The following NCOA2 variants were observed in gnomAD, a reference collection of about 807,000 sequenced individuals.
The protein encoded by NCOA2 is class E basic helix-loop-helix protein 75.
A neutral mutation model predicts 145.1 loss-of-function variants in NCOA2; 21 were observed. The ratio of observed to expected loss-of-function variants is 0.14; its 90% CI spans 0.10 to 0.21. The LOEUF is 0.21. Among genes scored for constraint, NCOA2 ranks in the 10% least tolerant of loss-of-function variants. The probability of loss-of-function intolerance (pLI) is 1.00; values close to 1 mark genes in which losing one functional copy is unlikely to be tolerated. For missense variants in NCOA2, 1,472 were observed against 1,837.6 expected, an observed-to-expected ratio of 0.80 and a Z score of 3.64; for synonymous variants, 619 against 637.5, an observed-to-expected ratio of 0.97 and a Z score of 0.44.
intron 1 of NCOA2, among the ~76,000 whole-genome samples, chr8:70,325,032 TA>T (rs1168122315): frequency 1.3e-5 from 2 of 152,266 alleles, no homozygotes; most frequent in Non-Finnish European, 2.9e-5. Context: ...TTACTATCCA[TA>T]TCTTTAAACA....
chr8:70,124,892 T>G, intron 19 of NCOA2, 27 bp from the exon 20 acceptor site: 1 of 1,543,558 alleles, frequency 6.5e-7, no homozygotes, highest in Non-Finnish European at 8.7e-7. Flanking sequence ...GAAACAGAAA[T>G]CCAAAAGAGA....
At chr8:70,146,245 C>T (rs991404392) in intron 12 of NCOA2, among the ~76,000 whole-genome samples, 1 of 152,162 alleles carries the variant, frequency 6.6e-6, no homozygotes, top group African/African-American at 2.4e-5. Context: ...CAAAGTACAG[C>T]TTCTTTAAAT....
At chr8:70,301,135 A>G (rs1225580947) in intron 1 of NCOA2, among the ~76,000 whole-genome samples, 1 of 152,212 alleles carries the variant, frequency 6.6e-6, no homozygotes, top group Non-Finnish European at 1.5e-5. Flanking sequence ...GATTTGAAAA[A>G]GCAAATGGCA....
intron 2 of NCOA2, among the ~76,000 whole-genome samples, chr8:70,288,960 A>G (rs1826459494): frequency 6.6e-6 from 1 of 152,176 alleles, no homozygotes; most frequent in South Asian, 2.1e-4. Context: ...AAAAATCTAA[A>G]TTCTACTCAG....
Position 70,213,910 on chromosome 8 carries a change from T to G in NCOA2, c.252A>C (p.Lys84Asn), listed in dbSNP as rs781716431. 6.3e-7 allele frequency: 1 copy of G among 1,590,266 alleles called. No individual in the cohort carries two copies. Among genetic ancestry groups the G allele is most frequent in the Non-Finnish European group, 8.6e-7 (1 of 1,168,188 alleles). Reference sequence around the variant, plus strand: ...CTAATTCAGTCCTCTTACCTTGTTCTTTGATCTGACGAATTTGCTTCACAG... The same window carrying G: ...CTAATTCAGTCCTCTTACCTTGTTCGTTGATCTGACGAATTTGCTTCACAG... ...KETVKQIRQI[K>N]EQEKAAAANI... Residue 84 changes from lysine (K) to asparagine (N), a missense_variant, in exon 4 of 23, where the codon AAA becomes AAC. Around this residue, in one of 4 missense-constraint regions of NCOA2, gnomAD observed 284 missense variants for 467.8 expected, o/e 0.61. Coordinates refer to ENST00000452400, the MANE Select transcript of NCOA2 (RefSeq NM_006540.4).
Position 70,128,814 on chromosome 8 carries a change from C to T in NCOA2, c.3491G>A (p.Ser1164Asn). ...PNFHTMGQRP[S>N]YATLRMQPRP... ...GGGCTGCATACGGAGTGTGGCATAA[C>T]TAGGCCGCTGTCCCATGGTGTGAAA... The change falls in exon 17 of 23, where the codon AGT becomes AAT. Residue 1164 changes from serine (S) to asparagine (N), a missense_variant. Physicochemically the swap from Ser to Asn is conservative, Grantham distance 46. Around this residue, in one of 4 missense-constraint regions of NCOA2, gnomAD observed 953 missense variants for 1,062.1 expected, o/e 0.90. Transcript: ENST00000452400. 1 of 1,614,058 alleles carries T rather than the reference C, an allele frequency of 6.2e-7. No individual in the cohort carries two copies. Among genetic ancestry groups the T allele is most frequent in the Non-Finnish European group, 8.5e-7 (1 of 1,179,902 alleles).
At chr8:70,384,305 G>C (rs1034428986) in intron 1 of NCOA2, among the ~76,000 whole-genome samples, 1 of 150,852 alleles carries the variant, frequency 6.6e-6, no homozygotes, top group African/African-American at 2.4e-5. Flanking sequence ...GGTGAAATAT[G>C]CCCAACCATT....
At chr8:70,416,822 C>T in the NCOA2 span, among the ~76,000 whole-genome samples, 6 of 152,116 alleles carry the variant, frequency 3.9e-5, no homozygotes, top group Admixed American at 1.3e-4. Flanking sequence ...CGGTAATAGC[C>T]TAATCACTTC....
the NCOA2 span, among the ~76,000 whole-genome samples, chr8:70,426,291 C>T: frequency 6.6e-6 from 1 of 152,002 alleles, no homozygotes; most frequent in Non-Finnish European, 1.5e-5. Flanking sequence ...TTTTTGTGAC[C>T]GATAAAAACA....
At chr8:70,223,537 A>C (rs957016831) in intron 2 of NCOA2, among the ~76,000 whole-genome samples, 2 of 152,216 alleles carry the variant, frequency 1.3e-5, no homozygotes, top group Admixed American at 1.3e-4. Context: ...ATATGTATGT[A>C]TATATACATC....
chr8:70,131,988 C>A lies in NCOA2; in HGVS notation c.3173G>T (p.Ser1058Ile), dbSNP rs755619996. 10 of 1,612,296 alleles carry A rather than the reference C, an allele frequency of 6.2e-6. No homozygotes were observed. The Admixed American group carries it at 1.5e-4, about 24-fold the overall frequency. ...FASQNRQPFG[S>I]SPDDLLCPHP... ...TGGACATAGCAAGTCATCTGGAGAACTGCCAAATGGCTGCCTGTAAAGACA... is the reference window on the plus strand; with the variant it reads ...TGGACATAGCAAGTCATCTGGAGAAATGCCAAATGGCTGCCTGTAAAGACA... Residue 1058 changes from serine to isoleucine, a missense_variant, in exon 16 of 23, where the codon AGT (serine) becomes ATT (isoleucine). This residue lies in a region of NCOA2 where 953 missense variants were observed against 1,062.1 expected (regional missense o/e 0.90). Transcript: ENST00000452400.
intron 1 of NCOA2, among the ~76,000 whole-genome samples, chr8:70,332,699 T>C (rs1397454875): frequency 6.6e-6 from 1 of 152,216 alleles, no homozygotes; most frequent in African/African-American, 2.4e-5. Flanking sequence ...TTTTTTCCAT[T>C]TTAAATAATT....
chr8:70,250,607 G>T (rs989652153), intron 2 of NCOA2, among the ~76,000 whole-genome samples: 1 of 151,908 alleles, frequency 6.6e-6, no homozygotes, highest in African/African-American at 2.4e-5. Flanking sequence ...TCTGAAGCTG[G>T]GTATGAAGGG....
Position 70,174,683 on chromosome 8 carries a change from A to G in NCOA2, c.363+73T>C, listed in dbSNP as rs1321542152. 2.2e-6 allele frequency: 3 copies of G among 1,356,038 alleles called. No individual in the cohort carries two copies. The African/African-American group carries it at 4.3e-5, about 20-fold the overall frequency. 84.0% of individuals were successfully genotyped at this position (1,356,038 alleles called of 1,614,324 possible). A position where few individuals can be genotyped will look rare whatever the true frequency, so the allele number is the denominator to read the frequency against. On this transcript the variant is annotated intron_variant, in intron 5 of 22. Transcript: ENST00000452400. ...TGTGGATTCTCCTTAAATTATATTC[A>G]CCTGAAATTAAATGTAATAATGTGA...
chr8:70,444,071 T>G, the NCOA2 span, among the ~76,000 whole-genome samples: 5 of 152,194 alleles, frequency 3.3e-5, no homozygotes, highest in Non-Finnish European at 7.3e-5. Flanking sequence ...TAAACAAATG[T>G]TTACAGCAGT....
In NCOA2 at chr8:70,301,599, T is replaced by C. The variant is rs112885453; in HGVS notation, c.-76-4799A>G. On this transcript the variant is annotated intron_variant, in intron 1 of 22. Transcript: ENST00000452400. Reference sequence around the variant, plus strand: ...GAGCCTACGGATGTCAAGGCTGCAGTGAGTCGTGATCACGCCACTGCATTC... The same window carrying C: ...GAGCCTACGGATGTCAAGGCTGCAGCGAGTCGTGATCACGCCACTGCATTC... Among the ~76,000 whole-genome samples, 619 of 137,314 alleles carry C rather than the reference T, an allele frequency of 4.5e-3. 6 individuals carry two copies. The highest frequency in any genetic ancestry group is 0.017 in the African/African-American group (590 of 35,632). The allele number at this position is 137,314 out of a possible 152,430, so 90.1% of individuals were successfully genotyped here.
intron 1 of NCOA2, among the ~76,000 whole-genome samples, chr8:70,353,731 T>G (rs575141851): frequency 6.6e-6 from 1 of 152,092 alleles, no homozygotes; most frequent in South Asian, 2.1e-4. Context: ...CCTGATAATC[T>G]CCCATATCTA....
chr8:70,414,049 TA>T, the NCOA2 span, among the ~76,000 whole-genome samples: 81 of 152,342 alleles, frequency 5.3e-4, no homozygotes, highest in South Asian at 4.1e-4. Context: ...ATATTTAGTT[TA>T]AAAAATTTAA....
intron 2 of NCOA2, among the ~76,000 whole-genome samples, chr8:70,274,474 T>C (rs1013991602): frequency 1.6e-4 from 25 of 152,196 alleles, no homozygotes; most frequent in Admixed American, 5.9e-4. Context: ...GCTTTTTAAG[T>C]AGGGTCAAAA....
Sources: gnomAD v4.1 joint callset for allele counts (sites outside exome capture counted in the v4.1 genomes callset) on GRCh38, gnomAD v4.1.1 for gene constraint, gnomAD v4.1.1 regional missense constraint, MANE v1.5 for transcripts, NCBI Gene and HGNC (gene_info 2026-07-23, HGNC 2026-07-21) for gene names.